Variants in SLC26A5 observed in about 807,000 individuals in gnomAD.
The protein encoded by SLC26A5 is solute carrier family 26 member 5, also known as prestin.
A neutral mutation model predicts 81.0 loss-of-function variants in SLC26A5; 51 were observed. That is an observed-to-expected ratio of 0.63 (90% CI 0.50 to 0.80). The LOEUF is 0.80. Ranked by LOEUF, SLC26A5 falls within the 30% of genes least tolerant of loss-of-function variation. The pLI is 0.00. For synonymous variants in SLC26A5, 325 were observed against 332.8 expected (o/e 0.98, Z 0.25); for missense variants, 771 against 905.8 (o/e 0.85, Z 1.91).
chr7:103,412,948 C>A (rs1352625071), intron 5 of SLC26A5, 54 bp downstream of exon 5: 15 of 1,295,332 alleles, frequency 1.2e-5, no homozygotes, highest in Middle Eastern at 1.8e-4. Flanking sequence ...TGGCACATTG[C>A]AAGGTTGGAA....
intron 9 of SLC26A5, among the ~76,000 whole-genome samples, chr7:103,396,099 G>T (rs537687201): frequency 2.0e-5 from 3 of 152,316 alleles, no homozygotes; most frequent in East Asian, 3.9e-4. Flanking sequence ...GCCTGCTTAA[G>T]ATCACACAGC....
At chr7:103,378,375 A>C in intron 17 of SLC26A5, 71 bp downstream of exon 17, 1 of 1,423,854 alleles carries the variant, frequency 7.0e-7, no homozygotes, top group African/African-American at 1.4e-5. Flanking sequence ...TTTAAACTTC[A>C]GTCATGAGTA....
At chr7:103,385,418 G>A (rs1368711701) in intron 14 of SLC26A5, among the ~76,000 whole-genome samples, 1 of 152,008 alleles carries the variant, frequency 6.6e-6, no homozygotes, top group African/African-American at 2.4e-5. Flanking sequence ...ACAGCTGGCC[G>A]GGCCATGATT....
chr7:103,358,763 G>A (rs144003938), intron 19 of SLC26A5, among the ~76,000 whole-genome samples: 11 of 151,960 alleles, frequency 7.2e-5, no homozygotes, highest in East Asian at 5.8e-4. Flanking sequence ...TTTCTAGGCC[G>A]TATGAGGGGA....
At chr7:103,364,352 T>G (rs758727100) in intron 19 of SLC26A5, 1 of 1,601,310 alleles carries the variant, frequency 6.2e-7, no homozygotes, top group South Asian at 1.1e-5. Flanking sequence ...TGAAAGATTT[T>G]ACAGTATGAA....
At chr7:103,363,196 G>T in intron 19 of SLC26A5, 1 of 611,640 alleles carries the variant, frequency 1.6e-6, no homozygotes, top group South Asian at 2.3e-5. Context: ...ACAGCAAGTA[G>T]TTCCAGGGCA....
intron 2 of SLC26A5, among the ~76,000 whole-genome samples, chr7:103,437,041 C>G (rs1420307530): frequency 6.6e-6 from 1 of 152,180 alleles, no homozygotes; most frequent in Non-Finnish European, 1.5e-5. Flanking sequence ...ACACATCTGA[C>G]AAGTGCTTAA....
chr7:103,443,651 C>G (rs189306638), intron 1 of SLC26A5, among the ~76,000 whole-genome samples: 3 of 152,314 alleles, frequency 2.0e-5, no homozygotes, highest in Admixed American at 2.0e-4. Context: ...CTTAATTAGG[C>G]TAATCTGTCT....
intron 19 of SLC26A5, among the ~76,000 whole-genome samples, chr7:103,357,763 C>A (rs1392505218): frequency 6.6e-6 from 1 of 152,074 alleles, no homozygotes; most frequent in Admixed American, 6.5e-5. Flanking sequence ...GTTGTTATAA[C>A]GTCTTGTTTT....
chr7:103,437,748 T>C (rs1027485150), intron 2 of SLC26A5, among the ~76,000 whole-genome samples: 11 of 151,130 alleles, frequency 7.3e-5, no homozygotes, highest in African/African-American at 2.2e-4. Flanking sequence ...AAATAGAGAG[T>C]AGAATGGTGT....
At chr7:103,381,507 G>A (rs1821785597) in intron 14 of SLC26A5, among the ~76,000 whole-genome samples, 1 of 146,150 alleles carries the variant, frequency 6.8e-6, no homozygotes, top group Non-Finnish European at 1.5e-5. Flanking sequence ...CACACTACAT[G>A]CCACACACAA....
rs2116275376 is a variant in SLC26A5, at chr7:103,367,682, T to C, written c.2041+9126A>G. On this transcript the variant is annotated intron_variant, in intron 19 of 19. Coordinates refer to the SLC26A5 transcript ENST00000339444. This position sits in a 1 kb window ranked among gnomAD's most constrained non-coding sequence, Gnocchi z 6.1. ...TTTTTCTTCCTGTGATTTTTTTCCA[T>C]TTTAATATTTGTCAATTTTCTCATT... The C allele has an allele frequency of 2.5e-6, 4 of 1,608,704 alleles. No homozygotes were observed. The East Asian group carries it at 6.7e-5, about 27-fold the overall frequency.
chr7:103,431,968 T>G (rs1242462718), intron 2 of SLC26A5, among the ~76,000 whole-genome samples: 1 of 152,046 alleles, frequency 6.6e-6, no homozygotes, highest in Non-Finnish European at 1.5e-5. Flanking sequence ...CAGGCTGGAG[T>G]GCAGTGGCAT....
At chr7:103,394,872 G>A (rs750435742) in intron 9 of SLC26A5, among the ~76,000 whole-genome samples, 10 of 152,206 alleles carry the variant, frequency 6.6e-5, no homozygotes, top group Non-Finnish European at 1.5e-4. Context: ...GCCTTAAGAG[G>A]CCTGGTAAAT....
At chr7:103,390,636 A>G in intron 11 of SLC26A5, 130 bp from the exon 12 acceptor site, 1 of 774,904 alleles carries the variant, frequency 1.3e-6, no homozygotes, top group Non-Finnish European at 2.3e-6. Context: ...TAAGTCAACT[A>G]AACCACTACA....
intron 14 of SLC26A5, among the ~76,000 whole-genome samples, chr7:103,382,299 T>G (rs866420258): frequency 1.3e-5 from 2 of 151,976 alleles, no homozygotes; most frequent in Admixed American, 1.3e-4. Flanking sequence ...GTTAACTTAA[T>G]TTAGTCTGAA....
At chr7:103,432,403 T>C (rs1826147608) in intron 2 of SLC26A5, among the ~76,000 whole-genome samples, 1 of 152,218 alleles carries the variant, frequency 6.6e-6, no homozygotes, top group African/African-American at 2.4e-5. Context: ...TCTTACATTT[T>C]ACAGCTTTTT....
chr7:103,362,491 A>T, intron 19 of SLC26A5: 6 of 1,411,236 alleles, frequency 4.3e-6, no homozygotes, highest in Non-Finnish European at 5.5e-6. Flanking sequence ...TTGCTGTTGG[A>T]TAGGTTGTTT....
intron 4 of SLC26A5, among the ~76,000 whole-genome samples, chr7:103,419,221 T>C (rs1241066955): frequency 6.6e-6 from 1 of 152,206 alleles, no homozygotes; most frequent in African/African-American, 2.4e-5. Context: ...CAGGTATGTC[T>C]TTGTTAGCAC....
Sources: allele counts gnomAD v4.1 joint callset (sites outside exome capture counted in the v4.1 genomes callset), GRCh38; gene constraint gnomAD v4.1.1; non-coding constraint Gnocchi (gnomAD v3.1); transcripts MANE v1.5; gene names NCBI Gene and HGNC (gene_info 2026-07-23, HGNC 2026-07-21).